The following RGS7 variants were observed in gnomAD, a reference collection of about 807,000 sequenced individuals.
The protein encoded by RGS7 is regulator of G protein signaling 7.
A neutral mutation model predicts 81.1 loss-of-function variants in RGS7; 27 were observed. The observed-to-expected ratio is 0.33, with a 90% CI of 0.25 to 0.46. RGS7 has a LOEUF of 0.46. Among genes scored for constraint, RGS7 ranks in the 20% least tolerant of loss-of-function variants. The pLI is 1.00. For missense variants in RGS7, 396 were observed against 607.4 expected, an observed-to-expected ratio of 0.65 and a Z score of 3.66; for synonymous variants, 208 against 207.7, an observed-to-expected ratio of 1.00 and a Z score of -0.01.
chr1:241,275,128 C>A (rs2078124004), intron 2 of RGS7, among the ~76,000 whole-genome samples: 1 of 152,156 alleles, frequency 6.6e-6, no homozygotes, highest in Non-Finnish European at 1.5e-5. Flanking sequence ...TGGAGACATC[C>A]CTCCCCATAA....
chr1:241,128,539 T>G (rs1006760229), intron 2 of RGS7, among the ~76,000 whole-genome samples: 4 of 152,016 alleles, frequency 2.6e-5, no homozygotes, highest in African/African-American at 9.7e-5. Context: ...GAGCCGAGAT[T>G]GTGCCACTGC....
At chr1:241,235,831 A>G (rs982257483) in intron 2 of RGS7, among the ~76,000 whole-genome samples, 3 of 151,186 alleles carry the variant, frequency 2.0e-5, no homozygotes, top group African/African-American at 4.9e-5. Context: ...AAGCCTAGGC[A>G]CCAATTTTCT....
chr1:241,137,177 T>C (rs1346860632), intron 2 of RGS7, among the ~76,000 whole-genome samples: 1 of 152,172 alleles, frequency 6.6e-6, no homozygotes, highest in Non-Finnish European at 1.5e-5. Flanking sequence ...TTGTTCAATG[T>C]TGTACTATCA....
intron 6 of RGS7, chr1:240,920,623 A>G: frequency 9.0e-7 from 1 of 1,109,800 alleles, no homozygotes; most frequent in Non-Finnish European, 1.3e-6. Context: ...TTAGGAAACA[A>G]AGCTTAGCGG....
intron 2 of RGS7, among the ~76,000 whole-genome samples, chr1:241,311,703 C>A (rs2080543581): frequency 6.6e-6 from 1 of 152,150 alleles, no homozygotes; most frequent in African/African-American, 2.4e-5. Flanking sequence ...TATGCATAAA[C>A]AATCACGAAA....
chr1:241,123,291 C>T (rs922988499), intron 2 of RGS7, among the ~76,000 whole-genome samples: 1 of 152,206 alleles, frequency 6.6e-6, no homozygotes, highest in Admixed American at 6.5e-5. Context: ...AAGGCCTCCC[C>T]AACCCAGCTG....
At chr1:241,294,719 T>G (rs1294581783) in intron 2 of RGS7, among the ~76,000 whole-genome samples, 2 of 152,180 alleles carry the variant, frequency 1.3e-5, no homozygotes, top group Admixed American at 1.3e-4. Flanking sequence ...CTATACCATA[T>G]TTTTACTGTA....
intron 18 of RGS7, among the ~76,000 whole-genome samples, chr1:240,794,294 A>T (rs1256664503): frequency 6.6e-6 from 1 of 152,180 alleles, no homozygotes; most frequent in Non-Finnish European, 1.5e-5. Context: ...GGGAAGTGAA[A>T]GTAAGGACAG....
In RGS7 at chr1:240,909,333, T is replaced by C. The variant is rs536261405; in HGVS notation, c.385+21384A>G. On this transcript the variant is annotated intron_variant, in intron 6 of 18. Coordinates refer to ENST00000440928, the MANE Select transcript of RGS7 (RefSeq NM_001364886.1). ...TTTCACCAATAAAATATGTATACTT[T>C]ACAGTACAAATGCGAGTTATCCATA... Among the ~76,000 whole-genome samples the C allele has an allele frequency of 6.6e-5, 10 of 152,362 alleles. No homozygotes were observed. In the South Asian group the frequency reaches 1.0e-3, roughly 16 times the overall value.
chr1:241,009,978 G>T (rs887178812), intron 3 of RGS7, among the ~76,000 whole-genome samples: 20 of 152,032 alleles, frequency 1.3e-4, no homozygotes. Context: ...GGTGGGAGTT[G>T]AACAATGAGA....
At chr1:241,213,574 T>G (rs950749911) in intron 2 of RGS7, among the ~76,000 whole-genome samples, 1 of 152,182 alleles carries the variant, frequency 6.6e-6, no homozygotes, top group Non-Finnish European at 1.5e-5. Flanking sequence ...CATTCCTAAC[T>G]TATCAGTTTA....
chr1:240,829,793 T>C (rs1693498170), intron 9 of RGS7, among the ~76,000 whole-genome samples: 1 of 152,108 alleles, frequency 6.6e-6, no homozygotes, highest in African/African-American at 2.4e-5. Flanking sequence ...TGAGATTCTG[T>C]CTCTCTCTGT....
intron 2 of RGS7, among the ~76,000 whole-genome samples, chr1:241,170,180 A>G (rs1248796086): frequency 6.6e-6 from 1 of 152,146 alleles, no homozygotes; most frequent in African/African-American, 2.4e-5. Context: ...CACGGGTATC[A>G]TTTAGACTTT....
chr1:241,058,691 G>T (rs756283821), intron 3 of RGS7, among the ~76,000 whole-genome samples: 1 of 152,190 alleles, frequency 6.6e-6, no homozygotes, highest in Non-Finnish European at 1.5e-5. Context: ...GTGTAAAGAC[G>T]ATGTTCATCT....
chr1:241,208,835 T>C (rs960856323), intron 2 of RGS7, among the ~76,000 whole-genome samples: 5 of 152,144 alleles, frequency 3.3e-5, no homozygotes, highest in East Asian at 3.9e-4. Context: ...AGATGATAAA[T>C]ACAATTAATA....
chr1:241,235,097 T>G (rs905092745), intron 2 of RGS7, among the ~76,000 whole-genome samples: 1 of 152,198 alleles, frequency 6.6e-6, no homozygotes, highest in Non-Finnish European at 1.5e-5. Context: ...ATTCCATGGA[T>G]AGTCAAGAGA....
intron 3 of RGS7, among the ~76,000 whole-genome samples, chr1:241,051,152 T>G (rs1245363234): frequency 6.6e-6 from 1 of 152,074 alleles, no homozygotes; most frequent in African/African-American, 2.4e-5. Flanking sequence ...TAGCTGCAGA[T>G]CCAAGGAAGC....
At chr1:241,158,122 T>C (rs777770932) in intron 2 of RGS7, among the ~76,000 whole-genome samples, 7 of 152,050 alleles carry the variant, frequency 4.6e-5, no homozygotes, top group Non-Finnish European at 7.4e-5. Context: ...CCTGTCCCCA[T>C]AAATAAACTT....
intron 5 of RGS7, among the ~76,000 whole-genome samples, chr1:240,934,488 G>A (rs1279271072): frequency 2.6e-5 from 4 of 152,114 alleles, no homozygotes; most frequent in Non-Finnish European, 4.4e-5. Context: ...ATATGGACTG[G>A]TTAATGACTT....
Sources: allele counts gnomAD v4.1 joint callset (sites outside exome capture counted in the v4.1 genomes callset), GRCh38; gene constraint gnomAD v4.1.1; transcripts MANE v1.5; gene names NCBI Gene and HGNC (gene_info 2026-07-23, HGNC 2026-07-21).